Variants in SRL observed in about 807,000 individuals in gnomAD.
SRL encodes sarcalumenin.
SRL carries 23 observed loss-of-function variants against 39.5 expected under a neutral mutation model. The observed-to-expected ratio is 0.58, with a 90% CI of 0.42 to 0.82. The LOEUF is 0.82. SRL is among the 40% of genes least tolerant of loss of function. SRL has a pLI of 0.00. For synonymous variants in SRL, 272 were observed against 237.4 expected (o/e 1.15, Z -1.34); for missense variants, 592 against 607.8 (o/e 0.97, Z 0.27).
At chr16:4,229,253 C>T (rs1045234218) in intron 1 of SRL, among the ~76,000 whole-genome samples, 1 of 151,992 alleles carries the variant, frequency 6.6e-6, no homozygotes, top group African/African-American at 2.4e-5. Flanking sequence ...ACCATCCTGG[C>T]TAACACAGTG....
chr16:4,194,724 C>T (rs1283769590), intron 5 of SRL, among the ~76,000 whole-genome samples: 2 of 152,044 alleles, frequency 1.3e-5, no homozygotes, highest in African/African-American at 4.8e-5. Context: ...GTCTCCAAAC[C>T]AAATCAGTCC....
Position 4,197,915 on chromosome 16 carries a change from T to A in SRL, c.260A>T (p.Asp87Val). 1.3e-6 allele frequency: 2 copies of A among 1,599,836 alleles called. No homozygotes were observed. Among genetic ancestry groups the A allele is most frequent in the Non-Finnish European group, 1.7e-6 (2 of 1,166,938 alleles). ...YNELRQHEIT[D>V]GEITSKPMVL... ...CATGGGCTTGGAGGTAATCTCTCCA[T>A]CTGTGGGCAACAGGAAGTAGAAATG... is the stretch of plus-strand genomic sequence containing the variant. The change falls in exon 4 of 6, where the codon GAT (aspartate) becomes GTT (valine). Residue 87 changes from aspartate to valine, a missense_variant and splice_region_variant. Coordinates refer to ENST00000399609, the MANE Select transcript of SRL (RefSeq NM_001098814.2).
intron 1 of SRL, chr16:4,207,420 C>A (rs1404652754): frequency 2.2e-6 from 1 of 456,616 alleles, no homozygotes; most frequent in Non-Finnish European, 4.4e-6. Context: ...CGACTCTCCC[C>A]CAACAGCCGC....
intron 5 of SRL, among the ~76,000 whole-genome samples, chr16:4,194,039 G>C (rs956992896): frequency 5.9e-5 from 9 of 151,776 alleles, no homozygotes; most frequent in African/African-American, 1.9e-4. Context: ...ACCACAATTG[G>C]AGTTGTAACC....
chr16:4,227,622 G>T (rs1279922534), intron 1 of SRL, among the ~76,000 whole-genome samples: 2 of 152,132 alleles, frequency 1.3e-5, no homozygotes, highest in Admixed American at 1.3e-4. Context: ...TGGTGGTGGT[G>T]GCAAAATGGA....
chr16:4,228,586 T>C (rs1295167453), intron 1 of SRL, among the ~76,000 whole-genome samples: 3 of 150,738 alleles, frequency 2.0e-5, no homozygotes, highest in Non-Finnish European at 4.4e-5. Flanking sequence ...ATACAAAAAA[T>C]TAGTCAGGCG....
intron 1 of SRL, among the ~76,000 whole-genome samples, chr16:4,213,412 T>TC (rs1303292377): frequency 7.9e-6 from 1 of 126,278 alleles, no homozygotes. Flanking sequence ...TTCTTTTTTT[T>TC]TTTTTTTTTT....
rs932660033 is a variant in SRL, at chr16:4,211,511, G to A, written c.62-6877C>T. 1.0e-3 allele frequency among the ~76,000 whole-genome samples: 89 copies of A among 87,434 alleles called. 5 individuals are homozygous for A. The highest frequency in any genetic ancestry group is 2.0e-3 in the Non-Finnish European group (88 of 43,272). 57.4% of individuals were successfully genotyped at this position (87,434 alleles called of 152,430 possible). A position where few individuals can be genotyped will look rare whatever the true frequency, so the allele number is the denominator to read the frequency against. On this transcript the variant is annotated intron_variant, in intron 1 of 5. Coordinates refer to ENST00000399609, the MANE Select transcript of SRL (RefSeq NM_001098814.2). The stretch of plus-strand genomic sequence containing the variant: ...GATGACCATGCTAATGATGAGGATC[G>A]TGATGATGATGATGGTGATGATGAT...
chr16:4,209,182 G>A (rs971743839), intron 1 of SRL, among the ~76,000 whole-genome samples: 3 of 152,068 alleles, frequency 2.0e-5, no homozygotes, highest in Admixed American at 6.5e-5. Flanking sequence ...GCTGAGGCTG[G>A]AGAATGACTT....
chr16:4,190,577 C>T lies in SRL; in HGVS notation c.*1576G>A, dbSNP rs1169761161. 7.5e-6 allele frequency: 3 copies of T among 398,042 alleles called. No individual in the cohort carries two copies. The highest frequency in any genetic ancestry group is 1.3e-5 in the Non-Finnish European group (3 of 226,116). 24.7% of individuals were successfully genotyped at this position (398,042 alleles called of 1,614,324 possible). A position where few individuals can be genotyped will look rare whatever the true frequency, so the allele number is the denominator to read the frequency against. ...CCTGCTGTGGAGCCGTGCATGCTAG[C>T]CTTGCAAGACTGTTACAAGTTCTCT... On this transcript the variant is annotated 3_prime_UTR_variant, in exon 6 of 6. Transcript: ENST00000399609.
At chr16:4,198,724 G>A (rs148762870) in intron 3 of SRL, among the ~76,000 whole-genome samples, 2 of 152,284 alleles carry the variant, frequency 1.3e-5, no homozygotes, top group African/African-American at 4.8e-5. Context: ...TGGGATTACA[G>A]CTATGAACCA....
chr16:4,214,770 CTTT>C (rs766418227), intron 1 of SRL, among the ~76,000 whole-genome samples: 3 of 141,068 alleles, frequency 2.1e-5, no homozygotes, highest in Admixed American at 7.2e-5. Flanking sequence ...TGCTCTTCCA[CTTT>C]TTTTTTTTTT....
intron 3 of SRL, among the ~76,000 whole-genome samples, 181 bp downstream of exon 3, chr16:4,202,985 G>A (rs932307797): frequency 2.0e-5 from 3 of 152,198 alleles, no homozygotes; most frequent in Non-Finnish European, 2.9e-5. Flanking sequence ...TGGAGGTGTC[G>A]TCCTTTCCAA....
intron 1 of SRL, among the ~76,000 whole-genome samples, chr16:4,227,984 A>G (rs2141063392): frequency 6.6e-6 from 1 of 152,338 alleles, no homozygotes; most frequent in South Asian, 2.1e-4. Flanking sequence ...AAGTGAAGTC[A>G]TTTGGGGTGG....
At chr16:4,235,762 G>A (rs914857374) in intron 1 of SRL, among the ~76,000 whole-genome samples, 5 of 152,098 alleles carry the variant, frequency 3.3e-5, no homozygotes, top group Non-Finnish European at 7.4e-5. Flanking sequence ...AGTAACTCAG[G>A]CCACATATCC....
chr16:4,208,619 C>T (rs1055371790), intron 1 of SRL, among the ~76,000 whole-genome samples: 4 of 152,152 alleles, frequency 2.6e-5, no homozygotes, highest in African/African-American at 9.7e-5. Flanking sequence ...CTGCTCTCAG[C>T]GAAGGAGTGA....
Position 4,194,890 on chromosome 16 carries a change from C to A in SRL, c.610+663G>T, listed in dbSNP as rs573200267. ...ACCACCCACTGTCAAAAGTAGTTTTCTTTTCTTCCTTTTTTTTTTTCTGAG... is the reference window on the plus strand; with the variant it reads ...ACCACCCACTGTCAAAAGTAGTTTTATTTTCTTCCTTTTTTTTTTTCTGAG... On this transcript the variant is annotated intron_variant, in intron 5 of 5. Transcript: ENST00000399609. Among the ~76,000 whole-genome samples the A allele has an allele frequency of 3.0e-4, 46 of 151,980 alleles. No individual in the cohort carries two copies. The South Asian group carries it at 7.9e-3, about 26-fold the overall frequency.
intron 1 of SRL, among the ~76,000 whole-genome samples, chr16:4,234,108 C>A (rs2052688754): frequency 6.6e-6 from 1 of 152,134 alleles, no homozygotes; most frequent in Non-Finnish European, 1.5e-5. Context: ...CATCCTTCCA[C>A]CTCAGCCCCC....
At chr16:4,206,660 C>T (rs2052322344) in intron 1 of SRL, 2 of 456,564 alleles carry the variant, frequency 4.4e-6, no homozygotes, top group Admixed American at 2.3e-5. Context: ...GTCCCCTACA[C>T]ACAAGACTTC....
Sources: gnomAD v4.1 joint callset for allele counts (sites outside exome capture counted in the v4.1 genomes callset) on GRCh38, gnomAD v4.1.1 for gene constraint, MANE v1.5 for transcripts, NCBI Gene and HGNC (gene_info 2026-07-23, HGNC 2026-07-21) for gene names.